Variants in BDP1 observed in about 807,000 individuals in gnomAD.
The protein encoded by BDP1 is transcription factor TFIIIB component B'' homolog.
A neutral mutation model predicts 266.6 loss-of-function variants in BDP1; 169 were observed. That is an observed-to-expected ratio of 0.63 (90% CI 0.56 to 0.72). BDP1 has a LOEUF of 0.72. Ranked by LOEUF, BDP1 falls within the 30% of genes least tolerant of loss-of-function variation. The probability of loss-of-function intolerance (pLI) is 0.00; values close to 1 mark genes in which losing one functional copy is unlikely to be tolerated. For missense variants in BDP1, 3,015 were observed against 3,053.8 expected, an observed-to-expected ratio of 0.99 and a Z score of 0.30; for synonymous variants, 1,090 against 1,022.4, an observed-to-expected ratio of 1.07 and a Z score of -1.26.
intron 25 of BDP1, among the ~76,000 whole-genome samples, chr5:71,528,824 G>A (rs1010760071): frequency 1.3e-5 from 2 of 152,222 alleles, no homozygotes; most frequent in African/African-American, 4.8e-5. Flanking sequence ...AGAAGGAAGA[G>A]TAATTTTGTG....
Position 71,512,278 on chromosome 5 carries a change from C to T in BDP1, c.4097C>T (p.Pro1366Leu). ...SSEVLSMMHT[P>L]VEEKRNSEKE... ...GAAGTACTGTCGATGATGCATACAC[C>T]TGTAGAAGAAAAAAGAAATTCTGAA... The change falls in exon 18 of 39, where the codon CCT (proline) becomes CTT (leucine). Residue 1366 changes from proline (P) to leucine (L), a missense_variant. This residue lies in a region of BDP1 where 2,383 missense variants were observed against 2,404.9 expected (regional missense o/e 0.99). Transcript: ENST00000358731. 1.3e-6 allele frequency: 2 copies of T among 1,583,198 alleles called. No individual in the cohort carries two copies. Among genetic ancestry groups the T allele is most frequent in the Non-Finnish European group, 1.7e-6 (2 of 1,169,578 alleles).
At chr5:71,478,671 T>A (rs1416011193) in intron 7 of BDP1, among the ~76,000 whole-genome samples, 1 of 152,040 alleles carries the variant, frequency 6.6e-6, no homozygotes, top group Non-Finnish European at 1.5e-5. Flanking sequence ...TTTTTTTTTT[T>A]AATTTTAGTA....
intron 1 of BDP1, 40 bp from the exon 2 acceptor site, chr5:71,458,539 A>G (rs752816973): frequency 1.0e-5 from 15 of 1,481,946 alleles, no homozygotes; most frequent in African/African-American, 4.2e-5. Context: ...GTGTAACAGA[A>G]GATTCATGTG....
At chr5:71,496,269 A>T (rs888452655) in intron 12 of BDP1, among the ~76,000 whole-genome samples, 5 of 150,500 alleles carry the variant, frequency 3.3e-5, no homozygotes, top group Non-Finnish European at 7.4e-5. Context: ...AAAGCTATTC[A>T]GTTCATAAAT....
In BDP1 at chr5:71,495,242, T is replaced by C; in HGVS notation, c.1641-8T>C. The C allele has an allele frequency of 6.6e-7, 1 of 1,513,176 alleles. No individual in the cohort carries two copies. The highest frequency in any genetic ancestry group is 2.1e-5 in the Admixed American group (1 of 48,284). 93.7% of individuals were successfully genotyped at this position (1,513,176 alleles called of 1,614,324 possible). A position where few individuals can be genotyped will look rare whatever the true frequency, so the allele number is the denominator to read the frequency against. On this transcript the variant is annotated splice_region_variant and splice_polypyrimidine_tract_variant and intron_variant, in intron 11 of 38. Transcript: ENST00000358731. ...TCTTTTCTCTCTGAAATATTTTCTT[T>C]TTTTTAGTAATCAACAAGATGCCAC...
chr5:71,523,855 G>T lies in BDP1; in HGVS notation c.5388-84G>T, dbSNP rs80194694. 1.9e-4 allele frequency: 249 copies of T among 1,336,354 alleles called. No individual in the cohort carries two copies. In the African/African-American group the frequency reaches 3.1e-3, roughly 16 times the overall value. 82.8% of individuals were successfully genotyped at this position (1,336,354 alleles called of 1,614,324 possible). On this transcript the variant is annotated intron_variant, in intron 24 of 38. Coordinates refer to ENST00000358731, the MANE Select transcript of BDP1 (RefSeq NM_018429.3). The stretch of plus-strand genomic sequence containing the variant: ...AATTTTCATTTTAATGACTGGAACT[G>T]GAATTTCACTCTAAAAGTTTGGTTT...
At chr5:71,554,693 TAAGA>T (rs1175823590) in intron 35 of BDP1, among the ~76,000 whole-genome samples, 4 of 152,230 alleles carry the variant, frequency 2.6e-5, no homozygotes, top group Admixed American at 2.0e-4. Context: ...TGTGAATATG[TAAGA>T]AAAGTATAAT....
rs1465541848 is a variant in BDP1, at chr5:71,516,228, C to T, written c.4817C>T (p.Thr1606Met). ...EAKGIIKEGRTILPKDETEKK... is the reference protein window; with the variant it reads ...EAKGIIKEGRMILPKDETEKK... ...AAAGGCATAATTAAGGAAGGAAGAACGATATTACCAAAAGATGAAACTGAA... is the reference window on the plus strand; with the variant it reads ...AAAGGCATAATTAAGGAAGGAAGAATGATATTACCAAAAGATGAAACTGAA... The change falls in exon 21 of 39, where the codon ACG (threonine) becomes ATG (methionine). Residue 1606 changes from threonine to methionine, a missense_variant. By Grantham distance (81) the Thr-to-Met change is moderately conservative. Transcript: ENST00000358731. The T allele has an allele frequency of 2.5e-6, 4 of 1,613,034 alleles. No homozygotes were observed. Among genetic ancestry groups the T allele is most frequent in the African/African-American group, 1.3e-5 (1 of 74,906 alleles).
chr5:71,511,057 A>G lies in BDP1; in HGVS notation c.3965A>G (p.Glu1322Gly). The change falls in exon 17 of 39, where the codon GAG (glutamate) becomes GGG (glycine). Residue 1322 changes from glutamate to glycine, a missense_variant. Physicochemically the swap from Glu to Gly is moderately conservative, Grantham distance 98. Coordinates refer to ENST00000358731, the MANE Select transcript of BDP1 (RefSeq NM_018429.3). ...GKTDISPREN[E>G]LEETSTSRQT... ...ACAGACATTTCTCCAAGGGAAAACG[A>G]GCTAGAGGAGACCAGTACCTCAAGA... 1 of 1,614,178 alleles carries G rather than the reference A, an allele frequency of 6.2e-7. No individual in the cohort carries two copies. The highest frequency in any genetic ancestry group is 1.1e-5 in the South Asian group (1 of 91,086).
In BDP1 at chr5:71,565,821, T is replaced by G. The variant is rs2112146780; in HGVS notation, c.*936T>G. On this transcript the variant is annotated 3_prime_UTR_variant, in exon 39 of 39. Transcript: ENST00000358731. ...TGTTTGTCTGACTGAAAAATACATA[T>G]TTTTCTAATTCATGGTGATGTAACA... 2 of 152,804 alleles carry G rather than the reference T, an allele frequency of 1.3e-5. 1 individual carries two copies. Among genetic ancestry groups the G allele is most frequent in the Admixed American group, 1.3e-4 (2 of 15,304 alleles). The allele number at this position is 152,804 out of a possible 1,614,324, so 9.5% of individuals were successfully genotyped here. A position where few individuals can be genotyped will look rare whatever the true frequency, so the allele number is the denominator to read the frequency against.
intron 26 of BDP1, among the ~76,000 whole-genome samples, chr5:71,538,760 AAAGT>A (rs1316134295): frequency 6.6e-6 from 1 of 152,248 alleles, no homozygotes; most frequent in Admixed American, 6.5e-5. Context: ...ATGAAGAAGT[AAAGT>A]AAGAATGGTA....
chr5:71,519,878 A>G (rs1435843625), intron 22 of BDP1, among the ~76,000 whole-genome samples: 1 of 152,144 alleles, frequency 6.6e-6, no homozygotes, highest in African/African-American at 2.4e-5. Flanking sequence ...TAGTTTTTTG[A>G]GGAACTTTCA....
intron 25 of BDP1, among the ~76,000 whole-genome samples, chr5:71,524,648 T>A (rs955026564): frequency 3.3e-5 from 5 of 151,012 alleles, no homozygotes; most frequent in South Asian, 2.1e-4. Flanking sequence ...TTATTTATTT[T>A]TTTTTATTGA....
chr5:71,480,975 G>C (rs559752396), intron 7 of BDP1, among the ~76,000 whole-genome samples: 1 of 152,250 alleles, frequency 6.6e-6, no homozygotes, highest in East Asian at 1.9e-4. Flanking sequence ...AGGAGATAAA[G>C]ACCATCCTGG....
chr5:71,508,041 T>C (rs1368423129), intron 16 of BDP1, among the ~76,000 whole-genome samples: 1 of 152,186 alleles, frequency 6.6e-6, no homozygotes, highest in Non-Finnish European at 1.5e-5. Context: ...CTTGGCTCAC[T>C]GCAACCTCCG....
intron 34 of BDP1, among the ~76,000 whole-genome samples, chr5:71,551,566 C>T (rs957146891): frequency 1.2e-4 from 18 of 152,254 alleles, no homozygotes; most frequent in African/African-American, 3.6e-4. Flanking sequence ...TCACCTTTCC[C>T]CCTTTCTATT....
At position 71,548,670 on chromosome 5, in the gene BDP1, T is replaced by G; in HGVS notation, c.6745-12T>G. 2.5e-6 allele frequency: 4 copies of G among 1,584,336 alleles called. No homozygotes were observed. Among genetic ancestry groups the G allele is most frequent in the Non-Finnish European group, 3.5e-6 (4 of 1,156,666 alleles). ...GCCAACCTGACTCTTTCATTTTAAT[T>G]TTTTATGGCAGTATACACCAACAAG... On this transcript the variant is annotated splice_polypyrimidine_tract_variant and intron_variant, in intron 32 of 38. Coordinates refer to ENST00000358731, the MANE Select transcript of BDP1 (RefSeq NM_018429.3).
intron 26 of BDP1, chr5:71,537,946 T>A: frequency 6.6e-6 from 1 of 152,570 alleles, no homozygotes; most frequent in East Asian, 1.9e-4. Flanking sequence ...TCCCATCCTG[T>A]CTTATCATTA....
chr5:71,553,355 A>C (rs775662612), intron 35 of BDP1, 35 bp downstream of exon 35: 3 of 1,447,936 alleles, frequency 2.1e-6, no homozygotes, highest in South Asian at 2.4e-5. Flanking sequence ...CAATATGGCC[A>C]TTAAGTAAGA....
Sources: gnomAD v4.1 joint callset for allele counts (sites outside exome capture counted in the v4.1 genomes callset) on GRCh38, gnomAD v4.1.1 for gene constraint, gnomAD v4.1.1 regional missense constraint, MANE v1.5 for transcripts, NCBI Gene and HGNC (gene_info 2026-07-23, HGNC 2026-07-21) for gene names.